The following SRRM3 variants were observed in gnomAD, a reference collection of about 807,000 sequenced individuals.
SRRM3 encodes serine/arginine repetitive matrix 3.
SRRM3 carries 27 observed loss-of-function variants against 66.2 expected under a neutral mutation model. The ratio of observed to expected loss-of-function variants is 0.41; its 90% CI spans 0.30 to 0.56. The LOEUF is 0.56. Among genes scored for constraint, SRRM3 ranks in the 20% least tolerant of loss-of-function variants. SRRM3 has a pLI of 0.32. For missense variants in SRRM3, 918 were observed against 991.9 expected (o/e 0.93, Z 1.00); for synonymous variants, 391 against 414.9 (o/e 0.94, Z 0.70).
chr7:76,202,601 C>G (rs1554600736), intron 1 of SRRM3, among the ~76,000 whole-genome samples: 1 of 152,160 alleles, frequency 6.6e-6, no homozygotes. Flanking sequence ...GGCATTTACT[C>G]TTGCACTGGG....
intron 1 of SRRM3, among the ~76,000 whole-genome samples, chr7:76,212,934 T>C (rs574381553): frequency 2.6e-5 from 4 of 151,678 alleles, no homozygotes; most frequent in African/African-American, 9.7e-5. Context: ...CTGCGTGATG[T>C]CCTGTTCCAA....
At chr7:76,243,623 A>AC (rs879946737) in intron 2 of SRRM3, among the ~76,000 whole-genome samples, 2 of 151,880 alleles carry the variant, frequency 1.3e-5, no homozygotes, top group Non-Finnish European at 2.9e-5. Context: ...TGTGCCAAAG[A>AC]CCCCCAGGAA....
chr7:76,223,450 G>A (rs1800773764), intron 1 of SRRM3, among the ~76,000 whole-genome samples: 1 of 152,170 alleles, frequency 6.6e-6, no homozygotes, highest in Non-Finnish European at 1.5e-5. Flanking sequence ...TTGGAGTGGG[G>A]ACACACCTAG....
chr7:76,240,906 GT>G (rs1262641173), intron 2 of SRRM3, among the ~76,000 whole-genome samples: 1 of 151,412 alleles, frequency 6.6e-6, no homozygotes, highest in Non-Finnish European at 1.5e-5. Flanking sequence ...TTGGTTTTTT[GT>G]TTTTTTCAAG....
chr7:76,283,107 G>A lies in SRRM3; in HGVS notation c.1733+6G>A. 1 of 1,440,502 alleles carries A rather than the reference G, an allele frequency of 6.9e-7. No individual in the cohort carries two copies. The highest frequency in any genetic ancestry group is 9.1e-7 in the Non-Finnish European group (1 of 1,102,624). 89.2% of individuals were successfully genotyped at this position (1,440,502 alleles called of 1,614,324 possible). On this transcript the variant is annotated splice_donor_region_variant and intron_variant, in intron 14 of 14. Transcript: ENST00000611745. ...GAGCCGCGGCGCATCACCAGGTATGGAGGGTCTTGGGGGGGCCGGTGGCGC... is the reference window on the plus strand; with the variant it reads ...GAGCCGCGGCGCATCACCAGGTATGAAGGGTCTTGGGGGGGCCGGTGGCGC...
chr7:76,249,478 GC>G (rs1366379384), intron 3 of SRRM3, among the ~76,000 whole-genome samples: 1 of 152,194 alleles, frequency 6.6e-6, no homozygotes, highest in Non-Finnish European at 1.5e-5. Flanking sequence ...CTCTGGGTGG[GC>G]CTTGGATCAA....
rs782202056 is a variant in SRRM3 at position 76,248,266 on chromosome 7, G to C, written c.312G>C (p.Arg104Ser). Reference sequence around the variant, plus strand: ...TGGAGAAGGAGGGAGTGCTCACCAGGGAGGACCGGCCTGGGGGCCACATGT... The same window carrying C: ...TGGAGAAGGAGGGAGTGCTCACCAGCGAGGACCGGCCTGGGGGCCACATGT... ...MLMEKEGVLT[R>S]EDRPGGHIVA... is the part of the protein sequence containing the mutation. The change falls in exon 3 of 15, where the codon AGG becomes AGC. Residue 104 changes from arginine (R) to serine (S), a missense_variant. Transcript: ENST00000611745. 1.9e-6 allele frequency: 3 copies of C among 1,613,688 alleles called. No individual in the cohort carries two copies. Among genetic ancestry groups the C allele is most frequent in the Middle Eastern group, 1.6e-4 (1 of 6,084 alleles).
rs535385208 is a variant in SRRM3, at chr7:76,254,994, G to A, written c.336-4912G>A. Among the ~76,000 whole-genome samples the A allele has an allele frequency of 1.1e-4, 17 of 149,708 alleles. 1 individual carries two copies. In the South Asian group the frequency reaches 1.2e-3, roughly 11 times the overall value. On this transcript the variant is annotated intron_variant, in intron 3 of 14. Coordinates refer to ENST00000611745, the MANE Select transcript of SRRM3 (RefSeq NM_001110199.3). The stretch of plus-strand genomic sequence containing the variant: ...TCCTCTGTCACCCCAGAAAAACCTC[G>A]CTACGTGCTGTGTGACATCAAGGCA...
intron 1 of SRRM3, among the ~76,000 whole-genome samples, chr7:76,205,873 G>A (rs1360889982): frequency 6.6e-6 from 1 of 152,236 alleles, no homozygotes; most frequent in Non-Finnish European, 1.5e-5. Flanking sequence ...ATCAAAGCTT[G>A]AAACACTGGA....
chr7:76,206,269 C>G (rs2116922920), intron 1 of SRRM3, among the ~76,000 whole-genome samples: 1 of 152,106 alleles, frequency 6.6e-6, no homozygotes, highest in African/African-American at 2.4e-5. Flanking sequence ...CATGCAAGAA[C>G]AGCTTTTGAT....
In SRRM3 at chr7:76,217,459, A is replaced by G. The variant is rs1800597952; in HGVS notation, c.-40+15392A>G. On this transcript the variant is annotated intron_variant, in intron 1 of 14. Coordinates refer to ENST00000611745, the MANE Select transcript of SRRM3 (RefSeq NM_001110199.3). Reference sequence around the variant, plus strand: ...GCCACCACACCCGGCTAAGTTTTGTATTTTTAGTAGAGACTGAGTTTCCCC... The same window carrying G: ...GCCACCACACCCGGCTAAGTTTTGTGTTTTTAGTAGAGACTGAGTTTCCCC... Among the ~76,000 whole-genome samples the G allele has an allele frequency of 2.0e-5, 3 of 151,972 alleles. No homozygotes were observed. The South Asian group carries it at 6.2e-4, about 32-fold the overall frequency.
At chr7:76,266,817 C>A (rs1276418737) in intron 10 of SRRM3, among the ~76,000 whole-genome samples, 1 of 150,752 alleles carries the variant, frequency 6.6e-6, no homozygotes, top group African/African-American at 2.4e-5. Context: ...AGATTACAGG[C>A]GTGCACCACC....
At chr7:76,279,319 C>T (rs1427398003) in intron 11 of SRRM3, among the ~76,000 whole-genome samples, 2 of 151,944 alleles carry the variant, frequency 1.3e-5, no homozygotes, top group African/African-American at 4.8e-5. Flanking sequence ...CACCTGGCTT[C>T]TAGGACTCGC....
chr7:76,258,713 C>CAAAAAA (rs201265747), intron 3 of SRRM3, among the ~76,000 whole-genome samples: 95 of 65,830 alleles, frequency 1.4e-3, no homozygotes, highest in Non-Finnish European at 2.2e-3. Context: ...GACTCCATCT[C>CAAAAAA]AAAAAAAAAA....
At chr7:76,246,204 A>C (rs1218132130) in intron 2 of SRRM3, among the ~76,000 whole-genome samples, 7 of 152,166 alleles carry the variant, frequency 4.6e-5, no homozygotes, top group Non-Finnish European at 8.8e-5. Context: ...ACCTCCATGA[A>C]TCCTCTGACA....
intron 1 of SRRM3, among the ~76,000 whole-genome samples, chr7:76,212,761 G>A (rs948553308): frequency 1.3e-5 from 2 of 152,100 alleles, no homozygotes; most frequent in African/African-American, 4.8e-5. Flanking sequence ...GAGCCACTGC[G>A]CCTGGCCAAG....
intron 1 of SRRM3, among the ~76,000 whole-genome samples, chr7:76,230,129 G>A (rs1800976694): frequency 6.6e-6 from 1 of 152,102 alleles, no homozygotes; most frequent in Non-Finnish European, 1.5e-5. Flanking sequence ...CTCTCAGGCT[G>A]TGTCCTCAGT....
At chr7:76,232,431 G>A (rs1010931476) in intron 1 of SRRM3, among the ~76,000 whole-genome samples, 3 of 152,082 alleles carry the variant, frequency 2.0e-5, no homozygotes, top group Non-Finnish European at 4.4e-5. Flanking sequence ...AATTAGCCGG[G>A]CAAGGTGGCA....
At chr7:76,269,626 T>C (rs1006501847) in intron 11 of SRRM3, 2 of 152,060 alleles carry the variant, frequency 1.3e-5, no homozygotes, top group African/African-American at 4.8e-5. Context: ...TATGTTTTTG[T>C]TTGTTTTTTA....
Sources: allele counts gnomAD v4.1 joint callset (sites outside exome capture counted in the v4.1 genomes callset), GRCh38; gene constraint gnomAD v4.1.1; transcripts MANE v1.5; gene names NCBI Gene and HGNC (gene_info 2026-07-23, HGNC 2026-07-21).